Variants in EFCAB6 observed in about 807,000 individuals in gnomAD.
EFCAB6 encodes EF-hand calcium binding domain 6.
In EFCAB6, 156 loss-of-function variants were observed where a neutral mutation model predicts 169.8. That is an observed-to-expected ratio of 0.92 (90% CI 0.81 to 1.05). The LOEUF is 1.05. Among genes scored for constraint, EFCAB6 ranks in the 50% least tolerant of loss-of-function variants. The pLI is 0.00. For missense variants in EFCAB6, 1,800 were observed against 1,829.1 expected (o/e 0.98, Z 0.29); for synonymous variants, 698 against 676.4 (o/e 1.03, Z -0.50).
intron 12 of EFCAB6, among the ~76,000 whole-genome samples, chr22:43,682,583 A>G (rs565971109): frequency 1.3e-5 from 2 of 152,248 alleles, no homozygotes; most frequent in Admixed American, 6.5e-5. Context: ...GGCAGCCCTG[A>G]CCAGTGCTGG....
intron 24 of EFCAB6, among the ~76,000 whole-genome samples, chr22:43,580,911 C>T (rs1280542267): frequency 1.3e-5 from 2 of 152,184 alleles, no homozygotes; most frequent in African/African-American, 4.8e-5. Flanking sequence ...GCCACAGCTG[C>T]CCGACCTGAA....
At chr22:43,715,343 C>T (rs1187450433) in intron 9 of EFCAB6, among the ~76,000 whole-genome samples, 1 of 152,180 alleles carries the variant, frequency 6.6e-6, no homozygotes, top group Non-Finnish European at 1.5e-5. Flanking sequence ...TTAACCTATT[C>T]ATGCCTCAGT....
At chr22:43,733,150 G>A (rs1205673656) in intron 7 of EFCAB6, among the ~76,000 whole-genome samples, 1 of 152,126 alleles carries the variant, frequency 6.6e-6, no homozygotes, top group Non-Finnish European at 1.5e-5. Flanking sequence ...TGTTAACAGT[G>A]AAACTCCCTA....
chr22:43,724,367 CTTT>C (rs58226287), intron 8 of EFCAB6, among the ~76,000 whole-genome samples: 10 of 107,876 alleles, frequency 9.3e-5, no homozygotes, highest in Admixed American at 2.0e-4. Context: ...TTTCTTTTTT[CTTT>C]TTTTTTTTTT....
intron 22 of EFCAB6, among the ~76,000 whole-genome samples, chr22:43,603,792 C>A (rs181162437): frequency 6.6e-6 from 1 of 152,334 alleles, no homozygotes; most frequent in East Asian, 1.9e-4. Flanking sequence ...GGAGGGAGGT[C>A]TAATGACTCA....
intron 27 of EFCAB6, among the ~76,000 whole-genome samples, chr22:43,549,986 C>G (rs1463452366): frequency 6.6e-6 from 1 of 152,070 alleles, no homozygotes; most frequent in African/African-American, 2.4e-5. Context: ...AGCTCTTAGC[C>G]AAATAGGAAT....
intron 8 of EFCAB6, among the ~76,000 whole-genome samples, chr22:43,727,275 T>A (rs1306590890): frequency 6.6e-6 from 1 of 152,022 alleles, no homozygotes; most frequent in Non-Finnish European, 1.5e-5. Flanking sequence ...AAAATAATTT[T>A]AAAAATTAGC....
intron 27 of EFCAB6, 133 bp from the exon 28 acceptor site, chr22:43,540,490 TAA>T: frequency 6.5e-7 from 1 of 1,533,758 alleles, no homozygotes; most frequent in Non-Finnish European, 8.7e-7. Context: ...AGAAGAAAAT[TAA>T]AAAAATAAAA....
In EFCAB6 at chr22:43,589,320, A is replaced by AAAAAAAAAAAAG. The variant is rs1569207678; in HGVS notation, c.3032+753_3032+754insCTTTTTTTTTTT. On this transcript the variant is annotated intron_variant, in intron 24 of 31. Coordinates refer to ENST00000262726, the MANE Select transcript of EFCAB6 (RefSeq NM_022785.4). ...AAAAAAAAAAAAAAAAAAAAAAAAA[A>AAAAAAAAAAAAG]AGAAGTACAGGTACATTCACTATCA... Among the ~76,000 whole-genome samples, 11 of 59,840 alleles carry AAAAAAAAAAAAG rather than the reference A, an allele frequency of 1.8e-4. 1 individual carries two copies. Among genetic ancestry groups the AAAAAAAAAAAAG allele is most frequent in the Non-Finnish European group, 3.6e-4 (10 of 27,630 alleles). The allele number at this position is 59,840 out of a possible 152,430, so 39.3% of individuals were successfully genotyped here.
chr22:43,528,841 C>T lies in EFCAB6; in HGVS notation c.*12G>A. 6.3e-7 allele frequency: 1 copy of T among 1,597,522 alleles called. No homozygotes were observed. The highest frequency in any genetic ancestry group is 8.6e-7 in the Non-Finnish European group (1 of 1,166,446). On this transcript the variant is annotated 3_prime_UTR_variant, in exon 32 of 32. Coordinates refer to ENST00000262726, the MANE Select transcript of EFCAB6 (RefSeq NM_022785.4). ...TGTGGCTGTCGTCCCGCTGGGCACA[C>T]AGCAGGGGTGTCTACTGGAGGAATG...
At chr22:43,602,946 C>T (rs1298515784) in intron 22 of EFCAB6, among the ~76,000 whole-genome samples, 2 of 151,766 alleles carry the variant, frequency 1.3e-5, no homozygotes, top group African/African-American at 4.8e-5. Context: ...TCTTATCTGC[C>T]TACTAGATGG....
intron 26 of EFCAB6, among the ~76,000 whole-genome samples, chr22:43,561,627 C>T (rs948323374): frequency 4.6e-5 from 7 of 152,200 alleles, no homozygotes; most frequent in Middle Eastern, 3.4e-3. Context: ...TGTTAGGCAC[C>T]GTATTCTGGT....
chr22:43,725,120 G>A (rs776658313), intron 8 of EFCAB6, among the ~76,000 whole-genome samples: 9 of 145,988 alleles, frequency 6.2e-5, no homozygotes, highest in Admixed American at 2.1e-4. Context: ...GAGGCATGTT[G>A]AGAGCCAAAC....
chr22:43,787,250 T>A (rs1470879598), intron 2 of EFCAB6, among the ~76,000 whole-genome samples: 2 of 152,102 alleles, frequency 1.3e-5, no homozygotes, highest in Non-Finnish European at 2.9e-5. Flanking sequence ...AAGGTATCCA[T>A]ATTGGAGACT....
intron 27 of EFCAB6, among the ~76,000 whole-genome samples, chr22:43,544,013 G>T (rs558258130): frequency 2.0e-5 from 3 of 151,178 alleles, no homozygotes; most frequent in African/African-American, 7.3e-5. Flanking sequence ...CCTTCATCCT[G>T]CCCAGCCCTC....
At chr22:43,687,201 A>G (rs1185642222) in intron 11 of EFCAB6, among the ~76,000 whole-genome samples, 1 of 152,256 alleles carries the variant, frequency 6.6e-6, no homozygotes, top group South Asian at 2.1e-4. Context: ...TCTCCACCAC[A>G]CTCTGAGCAG....
At chr22:43,554,811 G>T in intron 27 of EFCAB6, 58 bp downstream of exon 27, 1 of 1,456,894 alleles carries the variant, frequency 6.9e-7, no homozygotes, top group South Asian at 1.2e-5. Flanking sequence ...TCTGGCCAGG[G>T]ACCAGGCTGA....
intron 26 of EFCAB6, among the ~76,000 whole-genome samples, chr22:43,561,344 G>C (rs569769580): frequency 6.8e-6 from 1 of 147,894 alleles, no homozygotes; most frequent in East Asian, 2.0e-4. Flanking sequence ...GCAACAGAGC[G>C]AGACTCTGTC....
intron 6 of EFCAB6, among the ~76,000 whole-genome samples, chr22:43,745,327 C>T (rs1276431255): frequency 6.6e-6 from 1 of 152,238 alleles, no homozygotes; most frequent in Non-Finnish European, 1.5e-5. Flanking sequence ...CTCTGGAGGC[C>T]TGGCACTAAC....
Sources: allele counts gnomAD v4.1 joint callset (sites outside exome capture counted in the v4.1 genomes callset), GRCh38; gene constraint gnomAD v4.1.1; transcripts MANE v1.5; gene names NCBI Gene and HGNC (gene_info 2026-07-23, HGNC 2026-07-21).